The following SAMMSON variants were observed in gnomAD, a reference collection of about 807,000 sequenced individuals.
SAMMSON encodes survival associated mitochondrial melanoma specific oncogenic non-coding RNA, also known as long intergenic non-protein coding RNA 1212.
intron 3 of SAMMSON, among the ~76,000 whole-genome samples, chr3:70,019,406 C>T (rs2067000945): frequency 6.6e-6 from 1 of 152,002 alleles, no homozygotes. Context: ...GATTGCAACC[C>T]CTGCCTTTTT....
intron 4 of SAMMSON, among the ~76,000 whole-genome samples, chr3:70,194,357 G>T (rs944668093): frequency 1.3e-5 from 2 of 152,202 alleles, no homozygotes; most frequent in East Asian, 1.9e-4. Context: ...AGCCTTCTCA[G>T]ATTCTGATAT....
chr3:70,288,888 C>CT (rs1390338675), intron 6 of SAMMSON, among the ~76,000 whole-genome samples: 2 of 151,364 alleles, frequency 1.3e-5, no homozygotes, highest in East Asian at 2.0e-4. Context: ...CAACCCCTGC[C>CT]TTTTTTTGTT....
intron 4 of SAMMSON, among the ~76,000 whole-genome samples, chr3:70,159,303 C>T (rs2067604717): frequency 6.6e-6 from 1 of 151,862 alleles, no homozygotes; most frequent in East Asian, 1.9e-4. Context: ...TTAGGTATAT[C>T]TCCTAATGCT....
chr3:70,190,154 A>G (rs1055141621), intron 4 of SAMMSON, among the ~76,000 whole-genome samples: 1 of 152,152 alleles, frequency 6.6e-6, no homozygotes, highest in Non-Finnish European at 1.5e-5. Flanking sequence ...TGTGATAGAC[A>G]GTAGGCAATA....
intron 4 of SAMMSON, among the ~76,000 whole-genome samples, chr3:70,187,867 T>C (rs1046055835): frequency 2.6e-5 from 4 of 152,136 alleles, no homozygotes; most frequent in Non-Finnish European, 4.4e-5. Context: ...TCTGCTGCCA[T>C]AGAAGCTCAG....
intron 6 of SAMMSON, among the ~76,000 whole-genome samples, chr3:70,277,218 C>T (rs1244232673): frequency 6.6e-6 from 1 of 152,050 alleles, no homozygotes; most frequent in Non-Finnish European, 1.5e-5. Flanking sequence ...TCTCCAGCTG[C>T]CTGGAAATAC....
At chr3:70,140,732 TC>T (rs755354347) in intron 4 of SAMMSON, among the ~76,000 whole-genome samples, 49 of 152,276 alleles carry the variant, frequency 3.2e-4, no homozygotes, top group Admixed American at 1.8e-3. Flanking sequence ...AATTCTACCT[TC>T]CACAAAACAC....
intron 4 of SAMMSON, among the ~76,000 whole-genome samples, chr3:70,212,525 C>G (rs1000951304): frequency 9.2e-5 from 14 of 152,104 alleles, no homozygotes; most frequent in African/African-American, 3.4e-4. Flanking sequence ...CTAAACATCT[C>G]TCAAGTCCGT....
At chr3:70,244,135 A>G (rs951399698) in intron 4 of SAMMSON, among the ~76,000 whole-genome samples, 8 of 152,188 alleles carry the variant, frequency 5.3e-5, no homozygotes, top group Non-Finnish European at 1.2e-4. Context: ...CTCAAATGGG[A>G]ACAAGGTGCC....
chr3:70,181,570 G>A (rs1701053389), intron 4 of SAMMSON, among the ~76,000 whole-genome samples: 1 of 152,170 alleles, frequency 6.6e-6, no homozygotes, highest in South Asian at 2.1e-4. Context: ...CCACCTCATA[G>A]GGTTGTTGAA....
At chr3:70,287,317 A>G (rs1218799158) in intron 6 of SAMMSON, among the ~76,000 whole-genome samples, 2 of 145,376 alleles carry the variant, frequency 1.4e-5, no homozygotes, top group South Asian at 2.3e-4. Context: ...TGAGATAATC[A>G]TGTGGTTTTT....
downstream of SAMMSON, among the ~76,000 whole-genome samples, chr3:70,393,073 G>C (rs1373737501): frequency 2.0e-5 from 3 of 152,200 alleles, no homozygotes; most frequent in Non-Finnish European, 4.4e-5. Context: ...GGACTAATTA[G>C]AATGTTTTTG....
At chr3:70,287,735 A>C (rs373167063) in intron 6 of SAMMSON, among the ~76,000 whole-genome samples, 1 of 151,490 alleles carries the variant, frequency 6.6e-6, no homozygotes, top group South Asian at 2.1e-4. Flanking sequence ...ACAATTTCAG[A>C]TCCTGTTATT....
rs1399971126 is a variant in SAMMSON at position 70,276,917 on chromosome 3, A to AT, written n.675-14262_675-14261insT. Among the ~76,000 whole-genome samples, 35 of 152,352 alleles carry AT rather than the reference A, an allele frequency of 2.3e-4. 1 individual carries two copies. The South Asian group carries it at 6.2e-3, about 27-fold the overall frequency. ...AAAGTTTATGTTCTCAACTGTAATC[A>AT]GTGAGAAATCCTCACATTAATAAAG... On this transcript the variant is annotated intron_variant and non_coding_transcript_variant, in intron 6 of 9. Transcript: ENST00000642114.
chr3:70,409,036 T>A (rs1450403570), intron 2 of SAMMSON, among the ~76,000 whole-genome samples: 1 of 152,090 alleles, frequency 6.6e-6, no homozygotes, highest in Non-Finnish European at 1.5e-5. Flanking sequence ...TGAGACTTAT[T>A]CACTACCATG....
chr3:70,325,441 G>A (rs1332899841), intron 7 of SAMMSON, among the ~76,000 whole-genome samples: 3 of 152,040 alleles, frequency 2.0e-5, no homozygotes, highest in African/African-American at 7.2e-5. Context: ...GATTGGATAA[G>A]GCTCAACTTT....
intron 4 of SAMMSON, among the ~76,000 whole-genome samples, chr3:70,180,698 C>T (rs866875787): frequency 2.3e-4 from 35 of 152,232 alleles, no homozygotes; most frequent in Middle Eastern, 6.8e-3. Context: ...CGTGCTACTC[C>T]GAACCCATTT....
intron 4 of SAMMSON, among the ~76,000 whole-genome samples, chr3:70,199,070 C>T (rs1049705933): frequency 6.6e-6 from 1 of 152,140 alleles, no homozygotes; most frequent in Non-Finnish European, 1.5e-5. Context: ...TCTGTGATCC[C>T]TCAGGCTGAA....
chr3:70,045,143 A>T (rs1269452808), intron 3 of SAMMSON, among the ~76,000 whole-genome samples: 6 of 130,794 alleles, frequency 4.6e-5, no homozygotes, highest in Admixed American at 3.4e-4. Flanking sequence ...ATTATAATTT[A>T]TATATATTAA....
Sources: allele counts gnomAD v4.1 joint callset (sites outside exome capture counted in the v4.1 genomes callset), GRCh38; gene constraint gnomAD v4.1.1; transcripts MANE v1.5; gene names NCBI Gene and HGNC (gene_info 2026-07-23, HGNC 2026-07-21).